The following COL28A1 variants were observed in gnomAD, a reference collection of about 807,000 sequenced individuals.
COL28A1 encodes the protein collagen type XXVIII alpha 1 chain.
COL28A1 carries 161 observed loss-of-function variants against 150.2 expected under a neutral mutation model. The observed-to-expected ratio is 1.07, with a 90% CI of 0.94 to 1.22. The LOEUF is 1.22. Among genes scored for constraint, COL28A1 ranks in the 50% most tolerant of loss-of-function variants. COL28A1 has a pLI of 0.00. For missense variants in COL28A1, 1,617 were observed against 1,388.3 expected (o/e 1.16, Z -2.62); for synonymous variants, 552 against 469.7 (o/e 1.18, Z -2.26).
intron 21 of COL28A1, among the ~76,000 whole-genome samples, chr7:7,438,067 G>A (rs549174990): frequency 6.0e-5 from 9 of 150,512 alleles, no homozygotes; most frequent in Non-Finnish European, 1.0e-4. Flanking sequence ...AAACCCCATC[G>A]CTACTAAAAA....
chr7:7,480,339 G>C (rs1412486497), intron 13 of COL28A1, among the ~76,000 whole-genome samples: 1 of 151,974 alleles, frequency 6.6e-6, no homozygotes, highest in Non-Finnish European at 1.5e-5. Flanking sequence ...AATTTAAATT[G>C]TAACACTTAA....
At chr7:7,486,442 G>T (rs1392091956) in intron 13 of COL28A1, among the ~76,000 whole-genome samples, 1 of 152,026 alleles carries the variant, frequency 6.6e-6, no homozygotes, top group Non-Finnish European at 1.5e-5. Flanking sequence ...TCTTTTTCTT[G>T]TCTTATCGTG....
intron 13 of COL28A1, among the ~76,000 whole-genome samples, chr7:7,488,701 C>A (rs1013445092): frequency 6.6e-6 from 1 of 152,168 alleles, no homozygotes; most frequent in African/African-American, 2.4e-5. Context: ...AGCTTTAGAG[C>A]ATACTCATGG....
chr7:7,361,404 G>A (rs1487070174), intron 33 of COL28A1, among the ~76,000 whole-genome samples: 1 of 152,130 alleles, frequency 6.6e-6, no homozygotes, highest in Non-Finnish European at 1.5e-5. Context: ...CTAGATCCTT[G>A]AGGAATTGCC....
intron 21 of COL28A1, among the ~76,000 whole-genome samples, chr7:7,440,188 G>A (rs1483027560): frequency 6.6e-6 from 1 of 152,102 alleles, no homozygotes; most frequent in Non-Finnish European, 1.5e-5. Context: ...CCAGGACATA[G>A]ATCCCCTACT....
intron 18 of COL28A1, 129 bp from the exon 19 acceptor site, chr7:7,444,618 T>A: frequency 1.2e-6 from 1 of 841,034 alleles, no homozygotes; most frequent in Non-Finnish European, 1.8e-6. Context: ...AATACTAAAC[T>A]ATTTGATCTT....
Position 7,531,709 on chromosome 7 carries a change from G to C in COL28A1, c.320C>G (p.Pro107Arg). The C allele has an allele frequency of 6.2e-7, 1 of 1,602,436 alleles. No individual in the cohort carries two copies. Among genetic ancestry groups the C allele is most frequent in the Non-Finnish European group, 8.6e-7 (1 of 1,169,370 alleles). Residue 107 changes from proline (P) to arginine (R), a missense_variant, in exon 3 of 35, where the codon CCT becomes CGT. Pro to Arg is a moderately radical substitution (Grantham distance 103, BLOSUM62 -2). Coordinates refer to ENST00000399429, the MANE Select transcript of COL28A1 (RefSeq NM_001037763.3). ...CTGCAGGTCCTTCCAGGAAGAAAAA[G>C]GTGGATCAATTTGGACAGAGCTGCT... ...QFSSSVQIDPPFSSWKDLQTF... is the reference protein window; with the variant it reads ...QFSSSVQIDPRFSSWKDLQTF...
intron 25 of COL28A1, among the ~76,000 whole-genome samples, chr7:7,428,169 C>T (rs17457863): frequency 6.6e-6 from 1 of 152,142 alleles, no homozygotes. Flanking sequence ...ATAACAACAA[C>T]AATCCAACAA....
At chr7:7,470,801 A>C (rs866534144) in intron 15 of COL28A1, among the ~76,000 whole-genome samples, 1 of 126,452 alleles carries the variant, frequency 7.9e-6, no homozygotes, top group Non-Finnish European at 1.6e-5. Flanking sequence ...ATGAGTTCAT[A>C]TCCTTTGTAG....
At chr7:7,531,284 G>T in intron 3 of COL28A1, 64 bp downstream of exon 3, 3 of 677,398 alleles carry the variant, frequency 4.4e-6, no homozygotes, top group Non-Finnish European at 7.6e-6. Context: ...TCTTCTTATG[G>T]GATTTACAAC....
intron 31 of COL28A1, 140 bp downstream of exon 31, chr7:7,375,321 T>A: frequency 1.4e-6 from 1 of 703,658 alleles, no homozygotes; most frequent in Middle Eastern, 2.8e-4. Context: ...TCCTTTCAGT[T>A]TCCATCGACT....
chr7:7,419,965 C>A lies in COL28A1; in HGVS notation c.1999-12G>T, dbSNP rs909939432. The A allele has an allele frequency of 4.5e-6, 7 of 1,555,444 alleles. No homozygotes were observed. The highest frequency in any genetic ancestry group is 1.2e-5 in the South Asian group (1 of 81,930). On this transcript the variant is annotated splice_polypyrimidine_tract_variant and intron_variant, in intron 25 of 34. Coordinates refer to ENST00000399429, the MANE Select transcript of COL28A1 (RefSeq NM_001037763.3). ...ACCCCAGGCTCTCCCTGAAAAGACA[C>A]AACAAATAACAAGTTACTAATTTTT... is the stretch of plus-strand genomic sequence containing the variant.
rs1478084966 is a variant in COL28A1, at chr7:7,417,703, A to G, written c.2136+156T>C. 8.8e-6 allele frequency: 6 copies of G among 678,626 alleles called. No homozygotes were observed. The African/African-American group carries it at 1.1e-4, about 12-fold the overall frequency. 42.0% of individuals were successfully genotyped at this position (678,626 alleles called of 1,614,324 possible). A position where few individuals can be genotyped will look rare whatever the true frequency, so the allele number is the denominator to read the frequency against. ...AGTATTGTACTCATACCATTTTTACACTTCCAGATGATGTCTCTAAACACT... is the reference window on the plus strand; with the variant it reads ...AGTATTGTACTCATACCATTTTTACGCTTCCAGATGATGTCTCTAAACACT... On this transcript the variant is annotated intron_variant, in intron 27 of 34. Coordinates refer to ENST00000399429, the MANE Select transcript of COL28A1 (RefSeq NM_001037763.3).
At position 7,522,419 on chromosome 7, in the gene COL28A1, T is replaced by C. The variant is rs17521814; in HGVS notation, c.703-458A>G. 7.1e-3 allele frequency among the ~76,000 whole-genome samples: 1,086 copies of C among 152,278 alleles called. 10 individuals are homozygous for C. The highest frequency in any genetic ancestry group is 0.015 in the Admixed American group (230 of 15,302). On this transcript the variant is annotated intron_variant, in intron 4 of 34. Coordinates refer to ENST00000399429, the MANE Select transcript of COL28A1 (RefSeq NM_001037763.3). ...TAGGCAAAGGAAAACATTTGACTTA[T>C]AGCATATTTTACTAATTGTAAGATA... is the stretch of plus-strand genomic sequence containing the variant.
chr7:7,471,439 T>G (rs1242766602), intron 15 of COL28A1, among the ~76,000 whole-genome samples: 7 of 151,994 alleles, frequency 4.6e-5, no homozygotes, highest in Non-Finnish European at 8.8e-5. Context: ...CAGACCAATA[T>G]CCCTCATGAA....
the COL28A1 span, among the ~76,000 whole-genome samples, chr7:7,342,474 G>T: frequency 9.2e-5 from 14 of 151,474 alleles, no homozygotes; most frequent in East Asian, 1.6e-3. Context: ...TTTTGTGTTG[G>T]GCTTTTTATT....
At chr7:7,468,430 G>C (rs191282611) in intron 15 of COL28A1, among the ~76,000 whole-genome samples, 1,560 of 86,708 alleles carry the variant, frequency 0.018, 64 homozygotes, top group African/African-American at 0.084. Flanking sequence ...TCTCTGAATA[G>C]ACCAATAACA....
intron 27 of COL28A1, among the ~76,000 whole-genome samples, chr7:7,414,518 G>C (rs1413556249): frequency 6.6e-6 from 1 of 152,196 alleles, no homozygotes; most frequent in Non-Finnish European, 1.5e-5. Flanking sequence ...TAAATAAAGA[G>C]GGGCGAGCCC....
Position 7,495,127 on chromosome 7 carries a change from AC to A in COL28A1, c.1027-4482del, listed in dbSNP as rs1251918880. Among the ~76,000 whole-genome samples the A allele has an allele frequency of 4.6e-5, 7 of 152,234 alleles. No individual in the cohort carries two copies. In the South Asian group the frequency reaches 1.4e-3, roughly 31 times the overall value. ...ACTAGCCACATTAAGAAATAAAAAA[AC>A]AGGTAAATTATAATTAATAAATTTT... On this transcript the variant is annotated intron_variant, in intron 11 of 34. Transcript: ENST00000399429.
Sources: allele counts gnomAD v4.1 joint callset (sites outside exome capture counted in the v4.1 genomes callset), GRCh38; gene constraint gnomAD v4.1.1; transcripts MANE v1.5; gene names NCBI Gene and HGNC (gene_info 2026-07-23, HGNC 2026-07-21).